TBC1D22A: variants seen among roughly 807,000 people sequenced by gnomAD.
The protein encoded by TBC1D22A is putative GTPase activator.
TBC1D22A carries 38 observed loss-of-function variants against 60.2 expected under a neutral mutation model. That is an observed-to-expected ratio of 0.63 (90% CI 0.49 to 0.83). The LOEUF (loss-of-function observed/expected upper bound fraction) is 0.83, where lower values mean the gene tolerates loss of function less well. Among genes scored for constraint, TBC1D22A ranks in the 40% least tolerant of loss-of-function variants. The pLI is 0.00. For synonymous variants in TBC1D22A, 302 were observed against 281.7 expected, an observed-to-expected ratio of 1.07 and a Z score of -0.72; for missense variants, 628 against 701.0, an observed-to-expected ratio of 0.90 and a Z score of 1.18.
At chr22:47,068,559 A>G (rs2063856583) in intron 11 of TBC1D22A, among the ~76,000 whole-genome samples, 1 of 152,228 alleles carries the variant, frequency 6.6e-6, no homozygotes, top group South Asian at 2.1e-4. Flanking sequence ...CATCAAGTGG[A>G]ATATGCCATA....
intron 11 of TBC1D22A, among the ~76,000 whole-genome samples, chr22:47,107,504 C>A (rs571235077): frequency 6.6e-6 from 1 of 152,236 alleles, no homozygotes; most frequent in African/African-American, 2.4e-5. Flanking sequence ...AAATATGAAC[C>A]TGTTAGGGAA....
intron 1 of TBC1D22A, among the ~76,000 whole-genome samples, chr22:46,769,420 G>A (rs958113146): frequency 5.3e-5 from 8 of 152,276 alleles, no homozygotes; most frequent in African/African-American, 1.9e-4. Flanking sequence ...CTTCACGGCT[G>A]GACGCCTGCC....
chr22:46,845,633 A>G (rs1408555993), intron 4 of TBC1D22A, among the ~76,000 whole-genome samples: 2 of 152,194 alleles, frequency 1.3e-5, no homozygotes, highest in East Asian at 1.9e-4. Context: ...AGTTTATCAT[A>G]TCTATCATTT....
chr22:47,169,611 C>A (rs1160605539), intron 12 of TBC1D22A, among the ~76,000 whole-genome samples: 1 of 152,190 alleles, frequency 6.6e-6, no homozygotes, highest in Admixed American at 6.5e-5. Flanking sequence ...TCGGTGTCCA[C>A]TGGAAGGATT....
chr22:46,836,673 G>A (rs771494185), intron 4 of TBC1D22A, among the ~76,000 whole-genome samples: 61 of 152,028 alleles, frequency 4.0e-4, no homozygotes, highest in Non-Finnish European at 6.8e-4. Context: ...TATCCAATCA[G>A]AAGACAAAGA....
chr22:46,995,169 C>G (rs1413426313), intron 9 of TBC1D22A, among the ~76,000 whole-genome samples: 1 of 152,192 alleles, frequency 6.6e-6, no homozygotes, highest in Non-Finnish European at 1.5e-5. Context: ...CATCCCCAGG[C>G]CCGGGAGCAG....
intron 11 of TBC1D22A, among the ~76,000 whole-genome samples, chr22:47,103,676 G>C (rs748003016): frequency 1.3e-5 from 2 of 152,206 alleles, no homozygotes; most frequent in African/African-American, 2.4e-5. Flanking sequence ...TTTAAACTCA[G>C]TTGAAATATT....
chr22:47,042,287 G>T (rs131888), intron 11 of TBC1D22A, among the ~76,000 whole-genome samples: 2 of 151,864 alleles, frequency 1.3e-5, no homozygotes, highest in African/African-American at 4.8e-5. Context: ...CCGGGAGCCA[G>T]GGCTGCCACT....
chr22:46,872,311 T>C (rs2067327412), intron 4 of TBC1D22A, among the ~76,000 whole-genome samples: 2 of 152,184 alleles, frequency 1.3e-5, no homozygotes, highest in Admixed American at 1.3e-4. Context: ...TTCTCATTTT[T>C]TTTAAGGTAA....
At chr22:46,865,431 G>A (rs1359238922) in intron 4 of TBC1D22A, among the ~76,000 whole-genome samples, 1 of 152,166 alleles carries the variant, frequency 6.6e-6, no homozygotes, top group Admixed American at 6.5e-5. Context: ...AGTAGCGTAG[G>A]TTGAGCATCC....
chr22:46,774,064 T>A (rs1212998679), intron 1 of TBC1D22A: 1 of 985,516 alleles, frequency 1.0e-6, no homozygotes, highest in African/African-American at 1.7e-5. Context: ...CTGGCTTGGG[T>A]GGAGGTGTTC....
At chr22:47,046,437 G>T in intron 11 of TBC1D22A, among the ~76,000 whole-genome samples, 1 of 152,188 alleles carries the variant, frequency 6.6e-6, no homozygotes, top group Middle Eastern at 3.2e-3. Context: ...GCGACTGGTT[G>T]GGATTTGTGC....
chr22:46,995,846 G>A (rs1335019719), intron 9 of TBC1D22A, among the ~76,000 whole-genome samples: 1 of 152,082 alleles, frequency 6.6e-6, no homozygotes, highest in Non-Finnish European at 1.5e-5. Flanking sequence ...TGTACTGGAG[G>A]CTGCCACACC....
chr22:46,924,888 T>C (rs1407287750), intron 8 of TBC1D22A, among the ~76,000 whole-genome samples: 1 of 152,204 alleles, frequency 6.6e-6, no homozygotes, highest in South Asian at 2.1e-4. Flanking sequence ...AGGGTTGTGA[T>C]GAGTGTGTGG....
Position 47,099,457 on chromosome 22 carries a change from T to G in TBC1D22A, c.1330-12051T>G, listed in dbSNP as rs1338771356. On this transcript the variant is annotated intron_variant, in intron 11 of 12. Coordinates refer to ENST00000337137, the MANE Select transcript of TBC1D22A (RefSeq NM_014346.5). ...TTTCTTTTTTCTTTTGTTGTTTTTT[T>G]TTTTTGAAACGGAGTTTCGCTCTTG... Among the ~76,000 whole-genome samples, 5 of 151,946 alleles carry G rather than the reference T, an allele frequency of 3.3e-5. No homozygotes were observed. In the East Asian group the frequency reaches 9.7e-4, roughly 29 times the overall value.
intron 4 of TBC1D22A, among the ~76,000 whole-genome samples, chr22:46,843,260 C>G (rs954907202): frequency 6.6e-5 from 10 of 152,090 alleles, no homozygotes; most frequent in African/African-American, 2.2e-4. Flanking sequence ...TACAGTAATA[C>G]AAACCACCAC....
intron 12 of TBC1D22A, among the ~76,000 whole-genome samples, chr22:47,154,474 C>T (rs1453029450): frequency 6.6e-6 from 1 of 152,144 alleles, no homozygotes; most frequent in African/African-American, 2.4e-5. Flanking sequence ...CTGCAGTTTT[C>T]CCCCTTCCTT....
intron 8 of TBC1D22A, among the ~76,000 whole-genome samples, chr22:46,951,850 C>T (rs1016806513): frequency 5.3e-5 from 8 of 152,234 alleles, no homozygotes; most frequent in African/African-American, 1.9e-4. Context: ...TCCCTGAGCA[C>T]ATCCAGGTGA....
chr22:47,049,335 CGGGCAT>C (rs1222345013), intron 11 of TBC1D22A, among the ~76,000 whole-genome samples: 4 of 152,206 alleles, frequency 2.6e-5, no homozygotes, highest in African/African-American at 9.7e-5. Context: ...AAAGAAGAAG[CGGGCAT>C]GGGCGCTGGG....
Sources: gnomAD v4.1 joint callset for allele counts (sites outside exome capture counted in the v4.1 genomes callset) on GRCh38, gnomAD v4.1.1 for gene constraint, MANE v1.5 for transcripts, NCBI Gene and HGNC (gene_info 2026-07-23, HGNC 2026-07-21) for gene names.